Variants in NRXN3 observed in about 807,000 individuals in gnomAD.
NRXN3 encodes neurexin 3, also known as neurexin III.
A neutral mutation model predicts 137.6 loss-of-function variants in NRXN3; 32 were observed. That is an observed-to-expected ratio of 0.23 (90% CI 0.18 to 0.31). NRXN3 has a LOEUF of 0.31. Among genes scored for constraint, NRXN3 ranks in the 10% least tolerant of loss-of-function variants. The pLI, the probability that NRXN3 is intolerant of heterozygous loss-of-function variation, is 1.00. For missense variants in NRXN3, 1,574 were observed against 2,062.5 expected (o/e 0.76, Z 4.59); for synonymous variants, 798 against 784.5 (o/e 1.02, Z -0.29).
At chr14:78,515,105 G>T (rs2096181947) in intron 4 of NRXN3, among the ~76,000 whole-genome samples, 1 of 152,172 alleles carries the variant, frequency 6.6e-6, no homozygotes, top group Non-Finnish European at 1.5e-5. Flanking sequence ...GTTAGCCAAG[G>T]TTGAAAACCG....
intron 15 of NRXN3, among the ~76,000 whole-genome samples, chr14:79,065,543 G>A (rs1184376881): frequency 1.3e-5 from 2 of 152,126 alleles, no homozygotes; most frequent in Non-Finnish European, 2.9e-5. Flanking sequence ...TAGAGCTGCT[G>A]TGACAAAGTG....
At chr14:78,232,836 G>GGGGAGGCCCACTGGCCA (rs1422016194) in intron 1 of NRXN3, among the ~76,000 whole-genome samples, 1 of 152,204 alleles carries the variant, frequency 6.6e-6, no homozygotes, top group Non-Finnish European at 1.5e-5. Flanking sequence ...ACTCCAGGCT[G>GGGGAGGCCCACTGGCCA]GGGAGGCCCA....
At chr14:79,233,680 G>GTA (rs2072680024) in intron 15 of NRXN3, among the ~76,000 whole-genome samples, 1 of 151,918 alleles carries the variant, frequency 6.6e-6, no homozygotes, top group Non-Finnish European at 1.5e-5. Flanking sequence ...GTGTGTGTGT[G>GTA]TGTGTGTGTG....
chr14:79,758,417 G>C (rs1195296812), intron 19 of NRXN3, among the ~76,000 whole-genome samples: 1 of 152,088 alleles, frequency 6.6e-6, no homozygotes, highest in Non-Finnish European at 1.5e-5. Flanking sequence ...GAGAGCAAGA[G>C]AGAGGATAGG....
intron 8 of NRXN3, among the ~76,000 whole-genome samples, chr14:78,722,465 G>T (rs1249384332): frequency 1.3e-5 from 2 of 152,144 alleles, no homozygotes; most frequent in Admixed American, 1.3e-4. Flanking sequence ...CAACACAAGG[G>T]GATTGTTGCA....
chr14:78,501,565 GC>G (rs1438005140), intron 4 of NRXN3, among the ~76,000 whole-genome samples: 2 of 152,150 alleles, frequency 1.3e-5, no homozygotes, highest in Non-Finnish European at 2.9e-5. Context: ...ACTAGGTCTA[GC>G]CCACACTCAG....
chr14:78,259,480 A>G (rs1035165469), intron 2 of NRXN3, among the ~76,000 whole-genome samples: 2 of 152,118 alleles, frequency 1.3e-5, no homozygotes, highest in Non-Finnish European at 2.9e-5. Flanking sequence ...AGCTCCCCTC[A>G]AAGCCATATA....
chr14:78,616,785 T>C (rs1407340103), intron 4 of NRXN3, among the ~76,000 whole-genome samples: 1 of 152,212 alleles, frequency 6.6e-6, no homozygotes, highest in Non-Finnish European at 1.5e-5. Flanking sequence ...GTTTTGTTCT[T>C]AAAACACAAC....
chr14:78,566,552 C>T (rs540095450), intron 4 of NRXN3, among the ~76,000 whole-genome samples: 5 of 152,206 alleles, frequency 3.3e-5, no homozygotes, highest in South Asian at 4.2e-4. Flanking sequence ...AACCAGAAAG[C>T]GTTAGGTTAT....
At chr14:79,329,687 G>A (rs2091407562) in intron 15 of NRXN3, among the ~76,000 whole-genome samples, 1 of 152,168 alleles carries the variant, frequency 6.6e-6, no homozygotes, top group Admixed American at 6.5e-5. Context: ...GAGAATATGT[G>A]AGCCTTGTTT....
intron 16 of NRXN3, among the ~76,000 whole-genome samples, chr14:79,519,208 A>G (rs1451004078): frequency 1.3e-5 from 2 of 151,940 alleles, no homozygotes; most frequent in African/African-American, 4.8e-5. Flanking sequence ...TTTCATATAT[A>G]TTTGCACAGA....
chr14:78,773,792 ATTTGTTTG>A (rs747464634), intron 8 of NRXN3, among the ~76,000 whole-genome samples: 4 of 151,758 alleles, frequency 2.6e-5, no homozygotes, highest in East Asian at 1.9e-4. Context: ...TTATTTACTT[ATTTGTTTG>A]TTTGTTTGTT....
chr14:78,597,416 A>G (rs1470395873), intron 4 of NRXN3, among the ~76,000 whole-genome samples: 1 of 152,234 alleles, frequency 6.6e-6, no homozygotes, highest in African/African-American at 2.4e-5. Context: ...TTGATTACAA[A>G]AACTGAAGAA....
chr14:79,472,199 A>AT (rs1341196845), intron 16 of NRXN3, among the ~76,000 whole-genome samples: 2 of 152,050 alleles, frequency 1.3e-5, no homozygotes, highest in Non-Finnish European at 2.9e-5. Flanking sequence ...TGAAGAGCAC[A>AT]TTTTTTCTAT....
chr14:79,841,786 T>C (rs1215552291), intron 20 of NRXN3, among the ~76,000 whole-genome samples: 1 of 152,226 alleles, frequency 6.6e-6, no homozygotes, highest in Non-Finnish European at 1.5e-5. Context: ...TACCTGTTTA[T>C]GGAAGTGAGA....
chr14:78,207,368 G>C (rs2062304799), intron 1 of NRXN3, among the ~76,000 whole-genome samples: 1 of 151,924 alleles, frequency 6.6e-6, no homozygotes, highest in South Asian at 2.1e-4. Context: ...CTAATCCTAT[G>C]CTTTTCACTA....
chr14:78,820,408 C>G (rs186735664), intron 10 of NRXN3, among the ~76,000 whole-genome samples: 1 of 126,082 alleles, frequency 7.9e-6, no homozygotes, highest in Admixed American at 9.8e-5. Context: ...ACTTTACAGA[C>G]CAGGAGATGT....
Position 79,319,704 on chromosome 14 carries a change from G to A in NRXN3, c.3263-147517G>A, listed in dbSNP as rs114595105. On this transcript the variant is annotated intron_variant, in intron 15 of 20. Transcript: ENST00000335750. ...TCTTTTTTGAGTAATTATTATCCAC[G>A]TTATAATTTCATGCCTGTTGCTTTT... 4.1e-3 allele frequency among the ~76,000 whole-genome samples: 630 copies of A among 152,194 alleles called. 1 individual carries two copies. Among genetic ancestry groups the A allele is most frequent in the African/African-American group, 9.7e-3 (402 of 41,540 alleles).
chr14:78,991,833 C>G (rs1173505337), intron 15 of NRXN3, among the ~76,000 whole-genome samples: 9 of 152,200 alleles, frequency 5.9e-5, no homozygotes, highest in Non-Finnish European at 1.0e-4. Context: ...GATGTTGCCT[C>G]TATGAGTACA....
Sources: gnomAD v4.1 joint callset for allele counts (sites outside exome capture counted in the v4.1 genomes callset) on GRCh38, gnomAD v4.1.1 for gene constraint, MANE v1.5 for transcripts, NCBI Gene and HGNC (gene_info 2026-07-23, HGNC 2026-07-21) for gene names.